PRKD1: variants seen among roughly 807,000 people sequenced by gnomAD.
PRKD1 encodes the protein protein kinase D1.
PRKD1 carries 63 observed loss-of-function variants against 95.9 expected under a neutral mutation model. The ratio of observed to expected loss-of-function variants is 0.66; its 90% CI spans 0.54 to 0.81. The LOEUF is 0.81. PRKD1 is among the 30% of genes least tolerant of loss of function. PRKD1 has a pLI of 0.00. For synonymous variants in PRKD1, 425 were observed against 423.1 expected (o/e 1.00, Z -0.05); for missense variants, 1,048 against 1,165.3 (o/e 0.90, Z 1.47).
intron 1 of PRKD1, among the ~76,000 whole-genome samples, chr14:29,736,059 A>C (rs1183618044): frequency 6.6e-6 from 1 of 152,226 alleles, no homozygotes; most frequent in Non-Finnish European, 1.5e-5. Context: ...TCTCTCTCCT[A>C]TATCCATCTG....
At chr14:29,623,846 T>A (rs1297926807) in intron 13 of PRKD1, among the ~76,000 whole-genome samples, 1 of 152,168 alleles carries the variant, frequency 6.6e-6, no homozygotes, top group African/African-American at 2.4e-5. Context: ...GGCAAGGTCA[T>A]TTGTAATATA....
chr14:29,665,622 G>C (rs1882447175), intron 3 of PRKD1, among the ~76,000 whole-genome samples: 1 of 152,026 alleles, frequency 6.6e-6, no homozygotes, highest in African/African-American at 2.4e-5. Flanking sequence ...ATTGTGAATT[G>C]TATTCACAAT....
At chr14:29,787,917 C>T (rs1262863002) in intron 1 of PRKD1, among the ~76,000 whole-genome samples, 2 of 151,986 alleles carry the variant, frequency 1.3e-5, no homozygotes, top group Non-Finnish European at 2.9e-5. Context: ...TTCCTTTATT[C>T]CTCTTTCATT....
intron 16 of PRKD1, among the ~76,000 whole-genome samples, chr14:29,578,646 T>C (rs892703122): frequency 6.6e-6 from 1 of 151,858 alleles, no homozygotes; most frequent in Admixed American, 6.6e-5. Flanking sequence ...GTCTACTCTT[T>C]AACACTTTCT....
intron 1 of PRKD1, among the ~76,000 whole-genome samples, chr14:29,907,406 T>C (rs182552807): frequency 6.6e-6 from 1 of 152,346 alleles, no homozygotes; most frequent in Non-Finnish European, 1.5e-5. Flanking sequence ...ATTCTGCTTC[T>C]AAGAGCATAA....
At position 29,636,429 on chromosome 14, in the gene PRKD1, C is replaced by T; in HGVS notation, c.1051G>A (p.Glu351Lys). Residue 351 changes from glutamate to lysine, a missense_variant, in exon 7 of 18, where the codon GAA (glutamate) becomes AAA (lysine). Physicochemically the swap from Glu to Lys is moderately conservative, Grantham distance 56 (BLOSUM62 1). Coordinates refer to ENST00000331968, the MANE Select transcript of PRKD1 (RefSeq NM_002742.3). ...MEEGSDDNDSERNSGLMDDME... is the reference protein window; with the variant it reads ...MEEGSDDNDSKRNSGLMDDME... ...TCATCCATGAGCCCACTGTTCCTTT[C>T]ACTATCATTGTCATCACTCCCTTCT... 6.2e-7 allele frequency: 1 copy of T among 1,614,152 alleles called. No individual in the cohort carries two copies. Among genetic ancestry groups the T allele is most frequent in the Non-Finnish European group, 8.5e-7 (1 of 1,180,036 alleles).
chr14:29,649,004 A>T (rs1019280596), intron 4 of PRKD1, among the ~76,000 whole-genome samples: 1 of 151,878 alleles, frequency 6.6e-6, no homozygotes, highest in African/African-American at 2.4e-5. Flanking sequence ...TTTTTTTTAT[A>T]TTGATTGCTT....
chr14:29,761,715 A>T (rs1419625713), intron 1 of PRKD1, among the ~76,000 whole-genome samples: 2 of 152,182 alleles, frequency 1.3e-5, no homozygotes, highest in African/African-American at 4.8e-5. Flanking sequence ...TGCATAAAGC[A>T]GAAAAAGTTC....
At chr14:29,823,745 A>G (rs2139275031) in intron 1 of PRKD1, among the ~76,000 whole-genome samples, 1 of 152,328 alleles carries the variant, frequency 6.6e-6, no homozygotes, top group East Asian at 1.9e-4. Flanking sequence ...AGAAGAGGAA[A>G]GATAAAGTTT....
chr14:29,813,094 G>T (rs1016137976), intron 1 of PRKD1, among the ~76,000 whole-genome samples: 3 of 152,056 alleles, frequency 2.0e-5, no homozygotes, highest in Non-Finnish European at 4.4e-5. Flanking sequence ...TGGGCAACAG[G>T]AGCGAAACTC....
At chr14:29,578,048 G>C (rs1324070695) in intron 17 of PRKD1, among the ~76,000 whole-genome samples, 1 of 152,056 alleles carries the variant, frequency 6.6e-6, no homozygotes, top group African/African-American at 2.4e-5. Flanking sequence ...GTGTGTGTGT[G>C]TGTATATGCG....
intron 16 of PRKD1, among the ~76,000 whole-genome samples, chr14:29,584,139 A>G (rs1014523759): frequency 6.6e-6 from 1 of 152,222 alleles, no homozygotes; most frequent in Admixed American, 6.5e-5. Flanking sequence ...TAATATGAAA[A>G]GAAGCATTCC....
intron 1 of PRKD1, among the ~76,000 whole-genome samples, chr14:29,889,987 G>C (rs974362407): frequency 2.0e-5 from 3 of 152,222 alleles, no homozygotes; most frequent in African/African-American, 7.2e-5. Context: ...TGAGGATACA[G>C]AAGGGAGTAG....
At chr14:29,697,892 A>G (rs909298992) in intron 2 of PRKD1, among the ~76,000 whole-genome samples, 4 of 152,204 alleles carry the variant, frequency 2.6e-5, no homozygotes, top group Non-Finnish European at 4.4e-5. Flanking sequence ...AAGACAGAGC[A>G]CCTGAGAATA....
At chr14:29,714,240 T>C (rs1164954292) in intron 2 of PRKD1, among the ~76,000 whole-genome samples, 7 of 152,136 alleles carry the variant, frequency 4.6e-5, no homozygotes, top group African/African-American at 7.2e-5. Context: ...CTGGGTGATA[T>C]AGTGAACAAT....
At chr14:29,884,046 C>T (rs1893609332) in intron 1 of PRKD1, among the ~76,000 whole-genome samples, 1 of 152,172 alleles carries the variant, frequency 6.6e-6, no homozygotes, top group South Asian at 2.1e-4. Flanking sequence ...ATTTGGTCAA[C>T]TCAAAAGTGA....
intron 1 of PRKD1, among the ~76,000 whole-genome samples, chr14:29,875,673 G>A (rs1039425371): frequency 5.9e-5 from 9 of 152,300 alleles, no homozygotes; most frequent in Admixed American, 5.9e-4. Context: ...TTTATGCACT[G>A]CTGATGTCCA....
rs143442539 is a variant in PRKD1, at chr14:29,918,654, C to T, written c.264+8595G>A. Among the ~76,000 whole-genome samples the T allele has an allele frequency of 6.6e-4, 101 of 152,210 alleles. No individual in the cohort carries two copies. In the Middle Eastern group the frequency reaches 0.01, roughly 15 times the overall value. On this transcript the variant is annotated intron_variant, in intron 1 of 17. Transcript: ENST00000331968. ...CTCCTCCCCAATCTCTCTGACTGTA[C>T]AAGACATTGTGTGAAATAATGTCAA...
At chr14:29,792,318 A>G (rs1889585027) in intron 1 of PRKD1, among the ~76,000 whole-genome samples, 1 of 152,150 alleles carries the variant, frequency 6.6e-6, no homozygotes, top group Admixed American at 6.5e-5. Flanking sequence ...AGAATATGAA[A>G]TTGTGTTAAA....
Sources: gnomAD v4.1 joint callset for allele counts (sites outside exome capture counted in the v4.1 genomes callset) on GRCh38, gnomAD v4.1.1 for gene constraint, MANE v1.5 for transcripts, NCBI Gene and HGNC (gene_info 2026-07-23, HGNC 2026-07-21) for gene names.